The following PIP5K1A variants were observed in gnomAD, a reference collection of about 807,000 sequenced individuals.
The protein encoded by PIP5K1A is phosphatidylinositol 4-phosphate 5-kinase type-1 alpha.
PIP5K1A carries 46 observed loss-of-function variants against 72.9 expected under a neutral mutation model. The observed-to-expected ratio is 0.63, with a 90% CI of 0.50 to 0.81. PIP5K1A has a LOEUF of 0.81. Ranked by LOEUF, PIP5K1A falls within the 30% of genes least tolerant of loss-of-function variation. The pLI is 0.00. For missense variants in PIP5K1A, 458 were observed against 706.1 expected, an observed-to-expected ratio of 0.65 and a Z score of 3.98; for synonymous variants, 228 against 255.1, an observed-to-expected ratio of 0.89 and a Z score of 1.01.
chr1:151,237,335 T>A (rs1041790409), intron 9 of PIP5K1A, among the ~76,000 whole-genome samples: 1 of 152,234 alleles, frequency 6.6e-6, no homozygotes, highest in African/African-American at 2.4e-5. Flanking sequence ...TAAAAAATTA[T>A]AGTCTTAAAT....
Position 151,209,437 on chromosome 1 carries a change from AT to A in PIP5K1A, c.85+10375del, listed in dbSNP as rs34643257. 7.7e-3 allele frequency among the ~76,000 whole-genome samples: 907 copies of A among 118,162 alleles called. 4 individuals are homozygous for A. The highest frequency in any genetic ancestry group is 0.02 in the African/African-American group (633 of 31,118). The allele number at this position is 118,162 out of a possible 152,430, so 77.5% of individuals were successfully genotyped here. A position where few individuals can be genotyped will look rare whatever the true frequency, so the allele number is the denominator to read the frequency against. On this transcript the variant is annotated intron_variant, in intron 1 of 15. Coordinates refer to ENST00000368888, the MANE Select transcript of PIP5K1A (RefSeq NM_001135638.2). ...AGGCGCGTGCCACCATGCCTGGCTA[AT>A]TTTTTTTTTTTTTTTTTTGAGATGG...
At chr1:151,225,925 C>T (rs377757523) in intron 3 of PIP5K1A, among the ~76,000 whole-genome samples, 8 of 150,436 alleles carry the variant, frequency 5.3e-5, no homozygotes, top group South Asian at 4.2e-4. Flanking sequence ...TAGAGATGCA[C>T]GCCACCACGC....
At chr1:151,241,081 T>C (rs1691615771) in intron 12 of PIP5K1A, among the ~76,000 whole-genome samples, 1 of 152,118 alleles carries the variant, frequency 6.6e-6, no homozygotes, top group Non-Finnish European at 1.5e-5. Flanking sequence ...GAGAATCACT[T>C]GAACACGGTA....
chr1:151,216,348 C>CAAAAA (rs587687791), intron 1 of PIP5K1A, among the ~76,000 whole-genome samples: 1 of 53,368 alleles, frequency 1.9e-5, no homozygotes, highest in Non-Finnish European at 3.9e-5. Flanking sequence ...GACTCCGTCT[C>CAAAAA]AAAAAAAAAA....
intron 1 of PIP5K1A, among the ~76,000 whole-genome samples, chr1:151,222,921 C>G (rs1322459885): frequency 6.6e-6 from 1 of 152,114 alleles, no homozygotes; most frequent in Admixed American, 6.6e-5. Flanking sequence ...TTTGCTCTTG[C>G]GTCACACGTA....
chr1:151,239,583 A>G (rs1311485036), intron 11 of PIP5K1A, among the ~76,000 whole-genome samples: 1 of 152,138 alleles, frequency 6.6e-6, no homozygotes, highest in Non-Finnish European at 1.5e-5. Context: ...GCTGGAGTAC[A>G]GTGGCACAAT....
At chr1:151,202,721 G>A (rs987970842) in intron 1 of PIP5K1A, among the ~76,000 whole-genome samples, 1 of 148,132 alleles carries the variant, frequency 6.8e-6, no homozygotes, top group African/African-American at 2.5e-5. Flanking sequence ...CACCCATCTC[G>A]GGCTCCCATA....
In PIP5K1A at chr1:151,244,835, T is replaced by C. The variant is rs587734251; in HGVS notation, c.1641-2085T>C. Among the ~76,000 whole-genome samples the C allele has an allele frequency of 5.3e-5, 8 of 152,308 alleles. No individual in the cohort carries two copies. The South Asian group carries it at 1.7e-3, about 32-fold the overall frequency. ...ATACTCTGAACCAATACCTTTTGTT[T>C]TTCTGAGGTCTTAATAAGATGTTTC... On this transcript the variant is annotated intron_variant, in intron 14 of 15. Transcript: ENST00000368888.
At chr1:151,214,508 G>A (rs899358950) in intron 1 of PIP5K1A, among the ~76,000 whole-genome samples, 29 of 152,030 alleles carry the variant, frequency 1.9e-4, no homozygotes, top group African/African-American at 6.8e-4. Flanking sequence ...AGCATCCCTA[G>A]TAGCTGGGAT....
At chr1:151,241,022 G>A (rs768180473) in intron 12 of PIP5K1A, among the ~76,000 whole-genome samples, 13 of 152,112 alleles carry the variant, frequency 8.5e-5, no homozygotes, top group South Asian at 4.2e-4. Flanking sequence ...AAAATTAGCC[G>A]GGTGGTGGTG....
In PIP5K1A at chr1:151,203,364, G is replaced by A. The variant is rs139460916; in HGVS notation, c.85+4283G>A. ...GCCAACATGGTGAAACCCTGTCTCT[G>A]CTAAAAATACAAAAATTAGCCGGGT... On this transcript the variant is annotated intron_variant, in intron 1 of 15. Transcript: ENST00000368888. Among the ~76,000 whole-genome samples the A allele has an allele frequency of 8.9e-3, 1,354 of 151,726 alleles. 11 individuals are homozygous for A. Among genetic ancestry groups the A allele is most frequent in the Middle Eastern group, 0.017 (5 of 292 alleles).
intron 14 of PIP5K1A, among the ~76,000 whole-genome samples, chr1:151,244,589 G>A (rs919280644): frequency 1.3e-5 from 2 of 152,248 alleles, no homozygotes; most frequent in South Asian, 4.1e-4. Context: ...CCCGGAGGCA[G>A]TGGTTGCAGT....
chr1:151,210,352 G>GTTT (rs749410222), intron 1 of PIP5K1A, among the ~76,000 whole-genome samples: 1 of 144,114 alleles, frequency 6.9e-6, no homozygotes, highest in Non-Finnish European at 1.5e-5. Flanking sequence ...CCACACTGCT[G>GTTT]TTTTTTTTTT....
intron 8 of PIP5K1A, 96 bp downstream of exon 8, chr1:151,234,592 A>G: frequency 3.3e-6 from 3 of 907,944 alleles, no homozygotes; most frequent in Non-Finnish European, 5.5e-6. Context: ...TCTGTTCCTT[A>G]GCACTGTATG....
At chr1:151,223,620 G>A (rs1362549488) in intron 1 of PIP5K1A, among the ~76,000 whole-genome samples, 1 of 145,510 alleles carries the variant, frequency 6.9e-6, no homozygotes, top group Non-Finnish European at 1.5e-5. Context: ...ACTCCAACCT[G>A]GGCAACAGAG....
At chr1:151,230,275 A>G (rs1222289333) in intron 4 of PIP5K1A, among the ~76,000 whole-genome samples, 1 of 152,182 alleles carries the variant, frequency 6.6e-6, no homozygotes, top group Non-Finnish European at 1.5e-5. Flanking sequence ...CCACACTTGA[A>G]CTGTAAGTAG....
intron 1 of PIP5K1A, among the ~76,000 whole-genome samples, chr1:151,223,368 G>T (rs978659775): frequency 6.9e-6 from 1 of 144,978 alleles, no homozygotes; most frequent in Admixed American, 6.9e-5. Flanking sequence ...AAAAAAGGCC[G>T]GGTGTGGTGG....
chr1:151,242,071 G>A, intron 12 of PIP5K1A, 52 bp from the exon 13 acceptor site: 1 of 1,582,436 alleles, frequency 6.3e-7, no homozygotes, highest in Non-Finnish European at 8.7e-7. Flanking sequence ...CTATGTCTTG[G>A]TAATAGTTGC....
chr1:151,241,021 C>T (rs977760180), intron 12 of PIP5K1A, among the ~76,000 whole-genome samples: 4 of 151,872 alleles, frequency 2.6e-5, no homozygotes, highest in Admixed American at 6.6e-5. Flanking sequence ...TAAAATTAGC[C>T]GGGTGGTGGT....
Sources: allele counts gnomAD v4.1 joint callset (sites outside exome capture counted in the v4.1 genomes callset), GRCh38; gene constraint gnomAD v4.1.1; transcripts MANE v1.5; gene names NCBI Gene and HGNC (gene_info 2026-07-23, HGNC 2026-07-21).